SLC12A8: variants seen among roughly 807,000 people sequenced by gnomAD.
SLC12A8 encodes the protein cation-chloride cotransporter 9.
In SLC12A8, 69 loss-of-function variants were observed where a neutral mutation model predicts 75.6. That is an observed-to-expected ratio of 0.91 (90% CI 0.75 to 1.11). The LOEUF is 1.11. Among genes scored for constraint, SLC12A8 ranks in the 50% most tolerant of loss-of-function variants. SLC12A8 has a pLI of 0.00. For synonymous variants in SLC12A8, 365 were observed against 372.8 expected, an observed-to-expected ratio of 0.98 and a Z score of 0.24; for missense variants, 877 against 896.7, an observed-to-expected ratio of 0.98 and a Z score of 0.28.
chr3:125,118,379 T>C (rs188977794), intron 8 of SLC12A8, among the ~76,000 whole-genome samples: 1 of 152,292 alleles, frequency 6.6e-6, no homozygotes, highest in Admixed American at 6.5e-5. Context: ...ATCTCAGCAC[T>C]TTGGGAGGTC....
intron 10 of SLC12A8, among the ~76,000 whole-genome samples, chr3:125,093,492 C>T (rs1016755305): frequency 1.3e-5 from 2 of 152,192 alleles, no homozygotes; most frequent in African/African-American, 4.8e-5. Context: ...CTGGGATCCA[C>T]GTCTCATGGA....
At chr3:125,170,719 C>T (rs1934389796) in intron 5 of SLC12A8, among the ~76,000 whole-genome samples, 1 of 152,026 alleles carries the variant, frequency 6.6e-6, no homozygotes, top group Admixed American at 6.5e-5. Context: ...TGGAGACCAT[C>T]CTGGCTAACA....
At chr3:125,112,598 C>T (rs1466721137) in intron 8 of SLC12A8, among the ~76,000 whole-genome samples, 2 of 152,134 alleles carry the variant, frequency 1.3e-5, no homozygotes, top group African/African-American at 4.8e-5. Flanking sequence ...GCCCTAGGTG[C>T]CTTACAAAAC....
At chr3:125,138,686 CT>C (rs970988441) in intron 5 of SLC12A8, among the ~76,000 whole-genome samples, 1 of 152,082 alleles carries the variant, frequency 6.6e-6, no homozygotes, top group Non-Finnish European at 1.5e-5. Context: ...CTTGTACTTT[CT>C]TTTTTTATTT....
intron 2 of SLC12A8, among the ~76,000 whole-genome samples, chr3:125,202,921 C>G (rs972298136): frequency 6.6e-6 from 1 of 151,856 alleles, no homozygotes; most frequent in African/African-American, 2.4e-5. Flanking sequence ...AACCCCGTCT[C>G]TACTAAAAAC....
intron 5 of SLC12A8, among the ~76,000 whole-genome samples, chr3:125,160,981 G>A (rs1410970158): frequency 2.0e-5 from 3 of 152,076 alleles, no homozygotes; most frequent in Non-Finnish European, 4.4e-5. Flanking sequence ...TGGTTTGTTG[G>A]TTTGCCTTTA....
At position 125,177,930 on chromosome 3, in the gene SLC12A8, G is replaced by T; in HGVS notation, c.435C>A (p.Ile145=). The T allele has an allele frequency of 6.2e-7, 1 of 1,614,032 alleles. No individual in the cohort carries two copies. The highest frequency in any genetic ancestry group is 8.5e-7 in the Non-Finnish European group (1 of 1,179,966). The change falls in exon 5 of 14, where the codon ATC becomes ATA. Residue 145 remains isoleucine, a synonymous_variant. Transcript: ENST00000469902. ...AMYITGFAES[I]SDLLGLGNIW... ...TATTCCCGAGGCCCAGCAAATCCGAGATGGATTCAGCAAAGCCGGTGATAT... is the reference window on the plus strand; with the variant it reads ...TATTCCCGAGGCCCAGCAAATCCGATATGGATTCAGCAAAGCCGGTGATAT...
chr3:125,127,384 G>A (rs1310155986), intron 6 of SLC12A8, among the ~76,000 whole-genome samples: 4 of 152,154 alleles, frequency 2.6e-5, no homozygotes, highest in African/African-American at 9.7e-5. Flanking sequence ...GATGAGGGGC[G>A]GCACCAACAT....
At position 125,120,630 on chromosome 3, in the gene SLC12A8, G is replaced by T; in HGVS notation, c.793C>A (p.Pro265Thr). The T allele has an allele frequency of 3.1e-6, 5 of 1,613,816 alleles. No individual in the cohort carries two copies. Among genetic ancestry groups the T allele is most frequent in the Non-Finnish European group, 4.2e-6 (5 of 1,179,908 alleles). The change falls in exon 7 of 14, where the codon CCC (proline) becomes ACC (threonine). Residue 265 changes from proline (P) to threonine (T), a missense_variant. Physicochemically the swap from Pro to Thr is conservative, Grantham distance 38. Coordinates refer to ENST00000469902, the MANE Select transcript of SLC12A8 (RefSeq NM_024628.6). ...CCAACAGCTGCCAGGGAGCCCAGGG[G>T]AATGCTGGCGGCAGGCTCCCTGAGG... is the stretch of plus-strand genomic sequence containing the variant. Reference protein sequence around the residue: ...GDLREPAASIPLGSLAAVGIS... With the variant: ...GDLREPAASITLGSLAAVGIS...
intron 6 of SLC12A8, among the ~76,000 whole-genome samples, chr3:125,129,660 G>A (rs1933304723): frequency 6.6e-6 from 1 of 152,246 alleles, no homozygotes; most frequent in Non-Finnish European, 1.5e-5. Context: ...CCTCGCCACA[G>A]TCTGGAGGTT....
chr3:125,119,196 A>G (rs756121527), intron 7 of SLC12A8: 22 of 162,190 alleles, frequency 1.4e-4, no homozygotes, highest in Non-Finnish European at 2.0e-4. Context: ...TGCTGAAGTG[A>G]GCAGTTTTTT....
chr3:125,110,784 C>T (rs1469317779), intron 8 of SLC12A8: 1 of 154,446 alleles, frequency 6.5e-6, no homozygotes, highest in East Asian at 1.9e-4. Context: ...ATGATTCACT[C>T]TGAATCATCC....
At chr3:125,141,746 TC>T in intron 5 of SLC12A8, among the ~76,000 whole-genome samples, 1 of 151,244 alleles carries the variant, frequency 6.6e-6, no homozygotes, top group Middle Eastern at 3.4e-3. Flanking sequence ...CTCTTCTGGG[TC>T]CCCCACCCCT....
chr3:125,208,331 C>A (rs1179733768), intron 2 of SLC12A8, among the ~76,000 whole-genome samples: 2 of 152,118 alleles, frequency 1.3e-5, no homozygotes, highest in African/African-American at 4.8e-5. Context: ...GTTTGAGACT[C>A]CTGCCTTATG....
At chr3:125,159,603 A>C (rs1490945601) in intron 5 of SLC12A8, among the ~76,000 whole-genome samples, 1 of 152,222 alleles carries the variant, frequency 6.6e-6, no homozygotes. Flanking sequence ...TGGCAGCACC[A>C]GGTATTTCTG....
intron 2 of SLC12A8, among the ~76,000 whole-genome samples, chr3:125,208,793 G>C (rs200901248): frequency 0.12 from 9,390 of 77,860 alleles, 340 homozygotes; most frequent in East Asian, 0.22. Context: ...CACACACACA[G>C]AGAGAGAGAG....
At chr3:125,152,753 G>T (rs1933958457) in intron 5 of SLC12A8, among the ~76,000 whole-genome samples, 1 of 152,172 alleles carries the variant, frequency 6.6e-6, no homozygotes, top group Non-Finnish European at 1.5e-5. Context: ...CAAACTCAAA[G>T]GGTTTCGGTG....
chr3:125,093,418 G>T (rs907162395), intron 10 of SLC12A8, among the ~76,000 whole-genome samples: 1 of 152,002 alleles, frequency 6.6e-6, no homozygotes, highest in African/African-American at 2.4e-5. Flanking sequence ...TCCAAATCCT[G>T]TCTCATATAC....
Position 125,083,934 on chromosome 3 carries a change from G to A in SLC12A8, c.2101C>T (p.His701Tyr). ...ADFATRDRYH[H>Y]SSLVNREQLM... ...TGCTCCCGGTTCACGAGGGAGGAGTGGTGGTAGCGATCCCGAGTGGCGAAG... is the reference window on the plus strand; with the variant it reads ...TGCTCCCGGTTCACGAGGGAGGAGTAGTGGTAGCGATCCCGAGTGGCGAAG... The change falls in exon 14 of 14, where the codon CAC becomes TAC. Residue 701 changes from histidine to tyrosine, a missense_variant. His to Tyr is a moderately conservative substitution (Grantham distance 83). Transcript: ENST00000469902. The A allele has an allele frequency of 1.2e-6, 2 of 1,613,540 alleles. No homozygotes were observed. The highest frequency in any genetic ancestry group is 8.5e-7 in the Non-Finnish European group (1 of 1,179,860).
Sources: allele counts gnomAD v4.1 joint callset (sites outside exome capture counted in the v4.1 genomes callset), GRCh38; gene constraint gnomAD v4.1.1; transcripts MANE v1.5; gene names NCBI Gene and HGNC (gene_info 2026-07-23, HGNC 2026-07-21).